Variants in CDK6 observed in about 807,000 individuals in gnomAD.
CDK6 encodes the protein cyclin dependent kinase 6.
CDK6 carries 6 observed loss-of-function variants against 37.1 expected under a neutral mutation model. That is an observed-to-expected ratio of 0.16 (90% CI 0.09 to 0.32). The LOEUF is 0.32. CDK6 is among the 10% of genes least tolerant of loss of function. The pLI is 1.00. For synonymous variants in CDK6, 160 were observed against 161.3 expected (o/e 0.99, Z 0.06); for missense variants, 224 against 418.9 (o/e 0.53, Z 4.06).
chr7:92,755,636 C>A (rs753024059), intron 3 of CDK6, among the ~76,000 whole-genome samples: 1 of 152,150 alleles, frequency 6.6e-6, no homozygotes, highest in Admixed American at 6.5e-5. Flanking sequence ...AGTTAATATG[C>A]TAGTTTATTT....
At chr7:92,729,698 C>A (rs1016135351) in intron 3 of CDK6, among the ~76,000 whole-genome samples, 2 of 152,146 alleles carry the variant, frequency 1.3e-5, no homozygotes, top group Non-Finnish European at 2.9e-5. Flanking sequence ...AACTAAAAAA[C>A]GACTTCAGGC....
In CDK6 at chr7:92,725,927, G is replaced by A. The variant is rs919592405; in HGVS notation, c.370-134C>T. 8.8e-6 allele frequency: 6 copies of A among 682,268 alleles called. No individual in the cohort carries two copies. The East Asian group carries it at 1.7e-4, about 19-fold the overall frequency. 42.3% of individuals were successfully genotyped at this position (682,268 alleles called of 1,614,324 possible). ...GGCATTTGACAGGTATTGGCTGAATGAGTGAATTGTCTCCCTTCCTGCCTT... is the reference window on the plus strand; with the variant it reads ...GGCATTTGACAGGTATTGGCTGAATAAGTGAATTGTCTCCCTTCCTGCCTT... On this transcript the variant is annotated intron_variant, in intron 3 of 7. Coordinates refer to ENST00000424848, the MANE Select transcript of CDK6 (RefSeq NM_001145306.2).
At chr7:92,707,940 T>C (rs1798003913) in intron 4 of CDK6, among the ~76,000 whole-genome samples, 1 of 152,206 alleles carries the variant, frequency 6.6e-6, no homozygotes, top group Admixed American at 6.5e-5. Context: ...ATGAAATTTT[T>C]AGGCATATTT....
chr7:92,798,709 G>C (rs1341219483), intron 2 of CDK6, among the ~76,000 whole-genome samples: 1 of 152,126 alleles, frequency 6.6e-6, no homozygotes, highest in Non-Finnish European at 1.5e-5. Flanking sequence ...TCCCTCTTAG[G>C]ACAGCCAATC....
chr7:92,635,473 G>A (rs897926473), intron 5 of CDK6, among the ~76,000 whole-genome samples: 3 of 152,138 alleles, frequency 2.0e-5, no homozygotes, highest in African/African-American at 4.8e-5. Context: ...AGCTTCTGTC[G>A]TACTCCATAT....
At chr7:92,644,469 C>G (rs917639093) in intron 5 of CDK6, among the ~76,000 whole-genome samples, 11 of 152,196 alleles carry the variant, frequency 7.2e-5, no homozygotes, top group Non-Finnish European at 1.5e-4. Context: ...AGGCCCTCTA[C>G]TCCCTGGCTT....
rs537099893 is a variant in CDK6 at position 92,612,028 on chromosome 7, G to T, written c.*3112C>A. On this transcript the variant is annotated 3_prime_UTR_variant, in exon 8 of 8. Transcript: ENST00000424848. ...GGGTTCTTACAAGTGCTTAGAAATTGTATTTTTAAGATTAGGTCCTTTTTA... is the reference window on the plus strand; with the variant it reads ...GGGTTCTTACAAGTGCTTAGAAATTTTATTTTTAAGATTAGGTCCTTTTTA... The T allele has an allele frequency of 1.3e-4, 30 of 232,906 alleles. No homozygotes were observed. The highest frequency in any genetic ancestry group is 2.2e-4 in the Non-Finnish European group (26 of 117,830). 14.4% of individuals were successfully genotyped at this position (232,906 alleles called of 1,614,324 possible).
chr7:92,630,068 A>C (rs1796018461), intron 5 of CDK6, among the ~76,000 whole-genome samples: 1 of 152,098 alleles, frequency 6.6e-6, no homozygotes, highest in Non-Finnish European at 1.5e-5. Flanking sequence ...GCTTCAATGT[A>C]AGAATTTTGG....
chr7:92,745,595 C>T (rs778730148), intron 3 of CDK6, among the ~76,000 whole-genome samples: 8 of 152,248 alleles, frequency 5.3e-5, no homozygotes, highest in African/African-American at 9.6e-5. Flanking sequence ...TGTGGTACTT[C>T]GCTCTTTGAA....
At chr7:92,707,215 T>C (rs1461171092) in intron 4 of CDK6, among the ~76,000 whole-genome samples, 1 of 152,204 alleles carries the variant, frequency 6.6e-6, no homozygotes, top group Non-Finnish European at 1.5e-5. Flanking sequence ...ACTCATTTAA[T>C]TCCCACAACA....
intron 4 of CDK6, among the ~76,000 whole-genome samples, chr7:92,697,017 C>A (rs1242286413): frequency 6.6e-6 from 1 of 152,120 alleles, no homozygotes; most frequent in African/African-American, 2.4e-5. Context: ...TACCAGGCAG[C>A]CATCTATAAT....
At chr7:92,808,334 C>T (rs574088921) in intron 2 of CDK6, among the ~76,000 whole-genome samples, 52 of 152,312 alleles carry the variant, frequency 3.4e-4, no homozygotes, top group Non-Finnish European at 7.1e-4. Flanking sequence ...AGAGAACACA[C>T]AAGAAAAGAG....
chr7:92,631,760 T>G (rs1268879827), intron 5 of CDK6, among the ~76,000 whole-genome samples: 1 of 152,148 alleles, frequency 6.6e-6, no homozygotes, highest in African/African-American at 2.4e-5. Context: ...GTCTGGTTGG[T>G]AGCGATAGGC....
At chr7:92,718,143 G>A (rs1798275917) in intron 4 of CDK6, among the ~76,000 whole-genome samples, 1 of 152,096 alleles carries the variant, frequency 6.6e-6, no homozygotes, top group South Asian at 2.1e-4. Context: ...AAACGAAACC[G>A]GCACAAACCC....
intron 2 of CDK6, among the ~76,000 whole-genome samples, chr7:92,788,770 T>C (rs1393350083): frequency 6.6e-6 from 1 of 152,148 alleles, no homozygotes; most frequent in East Asian, 1.9e-4. Context: ...GATGAACAAC[T>C]ACTTCTCATC....
intron 4 of CDK6, among the ~76,000 whole-genome samples, chr7:92,684,517 G>A (rs558090670): frequency 6.6e-6 from 1 of 152,074 alleles, no homozygotes; most frequent in Non-Finnish European, 1.5e-5. Flanking sequence ...CTGCACAGGA[G>A]CCAGAAGTCG....
chr7:92,619,412 C>G (rs1268425706), intron 6 of CDK6, among the ~76,000 whole-genome samples: 2 of 152,070 alleles, frequency 1.3e-5, no homozygotes, highest in Non-Finnish European at 1.5e-5. Flanking sequence ...CTGTATAACT[C>G]TGAACCAAAA....
chr7:92,828,734 G>C (rs1345106201), intron 2 of CDK6, among the ~76,000 whole-genome samples: 1 of 152,026 alleles, frequency 6.6e-6, no homozygotes, highest in East Asian at 1.9e-4. Context: ...ATTCCATAGA[G>C]AGATTCTAAT....
intron 4 of CDK6, among the ~76,000 whole-genome samples, chr7:92,708,453 C>G (rs1190231278): frequency 6.6e-6 from 1 of 152,226 alleles, no homozygotes; most frequent in East Asian, 1.9e-4. Context: ...ACATAACCCT[C>G]ATTAGGGTTT....
Sources: allele counts gnomAD v4.1 joint callset (sites outside exome capture counted in the v4.1 genomes callset), GRCh38; gene constraint gnomAD v4.1.1; transcripts MANE v1.5; gene names NCBI Gene and HGNC (gene_info 2026-07-23, HGNC 2026-07-21).